TGFBR3: variants seen among roughly 807,000 people sequenced by gnomAD.
The protein encoded by TGFBR3 is transforming growth factor beta receptor 3.
A neutral mutation model predicts 87.9 loss-of-function variants in TGFBR3; 46 were observed. That is an observed-to-expected ratio of 0.52 (90% confidence interval 0.41 to 0.67). TGFBR3 has a LOEUF of 0.67. Among genes scored for constraint, TGFBR3 ranks in the 30% least tolerant of loss-of-function variants. The pLI, the probability that TGFBR3 is intolerant of heterozygous loss-of-function variation, is 0.00. For missense variants in TGFBR3, 866 were observed against 1,041.9 expected (o/e 0.83, Z 2.32); for synonymous variants, 381 against 391.6 (o/e 0.97, Z 0.32).
At chr1:91,799,628 A>C (rs547719437) in intron 2 of TGFBR3, among the ~76,000 whole-genome samples, 28 of 152,206 alleles carry the variant, frequency 1.8e-4, no homozygotes, top group Non-Finnish European at 4.0e-4. Context: ...TGAATTTACA[A>C]TTATCACAAA....
At chr1:91,724,761 A>G (rs1430946077) in intron 7 of TGFBR3, among the ~76,000 whole-genome samples, 1 of 152,130 alleles carries the variant, frequency 6.6e-6, no homozygotes, top group Non-Finnish European at 1.5e-5. Flanking sequence ...GTGTACAAGG[A>G]GGTCTCCAAA....
chr1:91,784,224 G>A (rs567285401), intron 3 of TGFBR3, among the ~76,000 whole-genome samples: 1 of 152,274 alleles, frequency 6.6e-6, no homozygotes, highest in South Asian at 2.1e-4. Flanking sequence ...CATACAAAAT[G>A]GAGGACACCT....
intron 12 of TGFBR3, among the ~76,000 whole-genome samples, chr1:91,714,336 A>G (rs547812271): frequency 1.8e-4 from 28 of 152,332 alleles, no homozygotes; most frequent in African/African-American, 6.7e-4. Context: ...ATTTTGGGTT[A>G]TTAACAACTG....
At chr1:91,827,543 C>A (rs1676688975) in intron 2 of TGFBR3, among the ~76,000 whole-genome samples, 1 of 152,120 alleles carries the variant, frequency 6.6e-6, no homozygotes, top group South Asian at 2.1e-4. Flanking sequence ...GTGACAGCCC[C>A]AAAGGATGAG....
chr1:91,798,247 C>T (rs1675463327), intron 2 of TGFBR3, among the ~76,000 whole-genome samples: 1 of 152,182 alleles, frequency 6.6e-6, no homozygotes, highest in African/African-American at 2.4e-5. Context: ...CAGGCACTGT[C>T]CACCTAACCT....
chr1:91,759,277 G>C (rs1673866286), intron 3 of TGFBR3, among the ~76,000 whole-genome samples: 1 of 151,850 alleles, frequency 6.6e-6, no homozygotes, highest in Non-Finnish European at 1.5e-5. Flanking sequence ...TGCCAAGGGA[G>C]GCTGCCAGGG....
At chr1:91,719,750 AAGT>A (rs1672294999) in intron 9 of TGFBR3, 140 bp downstream of exon 9, 1 of 958,194 alleles carries the variant, frequency 1.0e-6, no homozygotes, top group Non-Finnish European at 1.6e-6. Context: ...AGCCAAGGGG[AAGT>A]AGGCCCATCC....
At chr1:91,755,510 A>AT (rs1428505886) in intron 4 of TGFBR3, among the ~76,000 whole-genome samples, 1 of 152,148 alleles carries the variant, frequency 6.6e-6, no homozygotes, top group African/African-American at 2.4e-5. Context: ...GTGTCCTGGA[A>AT]TTTAAATCCT....
At chr1:91,687,540 T>C (rs1476217558) in intron 16 of TGFBR3, among the ~76,000 whole-genome samples, 4 of 152,106 alleles carry the variant, frequency 2.6e-5, no homozygotes, top group Non-Finnish European at 4.4e-5. Context: ...AAGATGTGAA[T>C]AGCATGGGAG....
At chr1:91,893,456 G>A (rs1344092995) in intron 2 of TGFBR3, among the ~76,000 whole-genome samples, 4 of 152,114 alleles carry the variant, frequency 2.6e-5, no homozygotes, top group East Asian at 1.9e-4. Flanking sequence ...GTTAATTGTT[G>A]TATTTTCTGT....
intron 3 of TGFBR3, among the ~76,000 whole-genome samples, chr1:91,765,023 T>A (rs1414041572): frequency 6.6e-6 from 1 of 152,136 alleles, no homozygotes; most frequent in African/African-American, 2.4e-5. Context: ...TCGTAAACTT[T>A]CTCAAAACAT....
At chr1:91,810,989 A>G (rs987780583) in intron 2 of TGFBR3, among the ~76,000 whole-genome samples, 1 of 152,254 alleles carries the variant, frequency 6.6e-6, no homozygotes, top group African/African-American at 2.4e-5. Flanking sequence ...AAAAGAAAAT[A>G]TGATGCTCAC....
intron 3 of TGFBR3, among the ~76,000 whole-genome samples, chr1:91,785,317 G>A (rs112013392): frequency 2.0e-5 from 3 of 152,168 alleles, no homozygotes; most frequent in Non-Finnish European, 2.9e-5. Flanking sequence ...GGCTAGTGCC[G>A]GGTCGTGGGG....
chr1:91,775,249 A>C (rs987953724), intron 3 of TGFBR3, among the ~76,000 whole-genome samples: 1 of 152,200 alleles, frequency 6.6e-6, no homozygotes, highest in African/African-American at 2.4e-5. Context: ...ATAAGAACAC[A>C]GAAATGTAAA....
At chr1:91,707,507 A>G (rs1671834776) in intron 14 of TGFBR3, among the ~76,000 whole-genome samples, 1 of 152,184 alleles carries the variant, frequency 6.6e-6, no homozygotes, top group African/African-American at 2.4e-5. Context: ...CAGATCAGGA[A>G]TGCCATCCCA....
At chr1:91,832,314 G>A (rs17883918) in intron 2 of TGFBR3, among the ~76,000 whole-genome samples, 1 of 152,154 alleles carries the variant, frequency 6.6e-6, no homozygotes, top group African/African-American at 2.4e-5. Context: ...GGTCATCTTT[G>A]ATATACAGAG....
rs139578914 is a variant in TGFBR3, at chr1:91,818,043, C to T, written c.62-20572G>A. ...ATTTTTCCCCCACTCCTGAAAAAGG[C>T]TTGATGGTTACTTAGCTTTTTCTTT... On this transcript the variant is annotated intron_variant, in intron 2 of 16. Transcript: ENST00000212355. Among the ~76,000 whole-genome samples the T allele has an allele frequency of 2.8e-3, 432 of 152,106 alleles. 3 individuals carry two copies. The highest frequency in any genetic ancestry group is 9.8e-3 in the African/African-American group (406 of 41,508).
chr1:91,727,862 A>G lies in TGFBR3; in HGVS notation c.738-56T>C, dbSNP rs527524889. ...ACCTACATGCCAGAAAGTTGCAACT[A>G]TCTCCCCTCTTCCAAGTCTTCATGT... On this transcript the variant is annotated intron_variant, in intron 6 of 16. Coordinates refer to ENST00000212355, the MANE Select transcript of TGFBR3 (RefSeq NM_003243.5). 104 of 1,595,862 alleles carry G rather than the reference A, an allele frequency of 6.5e-5. 1 individual carries two copies. In the Middle Eastern group the frequency reaches 1.8e-3, roughly 28 times the overall value.
At chr1:91,702,593 T>G (rs1194404488) in intron 14 of TGFBR3, among the ~76,000 whole-genome samples, 1 of 152,224 alleles carries the variant, frequency 6.6e-6, no homozygotes. Context: ...TACTGGAATA[T>G]GTATGGATGA....
Sources: gnomAD v4.1 joint callset for allele counts (sites outside exome capture counted in the v4.1 genomes callset) on GRCh38, gnomAD v4.1.1 for gene constraint, MANE v1.5 for transcripts, NCBI Gene and HGNC (gene_info 2026-07-23, HGNC 2026-07-21) for gene names.